LRP4: variants seen among roughly 807,000 people sequenced by gnomAD.
LRP4 encodes LDL receptor related protein 4.
Under a neutral mutation model 220.3 loss-of-function variants are expected in LRP4, and 95 were observed. That is an observed-to-expected ratio of 0.43 (90% confidence interval 0.37 to 0.51). The LOEUF (loss-of-function observed/expected upper bound fraction) is 0.51. Ranked by LOEUF, LRP4 falls within the 20% of genes least tolerant of loss-of-function variation. The probability of loss-of-function intolerance (pLI) is 0.00; values close to 1 mark genes in which losing one functional copy is unlikely to be tolerated. For synonymous variants in LRP4, 903 were observed against 954.6 expected (o/e 0.95, Z 1.00); for missense variants, 1,925 against 2,567.0 (o/e 0.75, Z 5.40).
intron 7 of LRP4, among the ~76,000 whole-genome samples, chr11:46,898,172 C>T (rs1219004082): frequency 1.3e-5 from 2 of 151,786 alleles, no homozygotes; most frequent in Non-Finnish European, 1.5e-5. Flanking sequence ...CCAGTAGGGG[C>T]GGCCAGGCAG....
chr11:46,884,685 C>T (rs1477509911), intron 18 of LRP4, among the ~76,000 whole-genome samples: 2 of 145,922 alleles, frequency 1.4e-5, no homozygotes, highest in Non-Finnish European at 1.5e-5. Context: ...TGCAGTGAGC[C>T]GAGATCGTGC....
chr11:46,896,754 G>A, intron 8 of LRP4, 115 bp downstream of exon 8: 2 of 1,515,712 alleles, frequency 1.3e-6, no homozygotes, highest in Non-Finnish European at 9.1e-7. Context: ...TGATGCACCT[G>A]GATTTTACAC....
At chr11:46,900,178 T>C (rs1467780336) in intron 3 of LRP4, 84 bp downstream of exon 3, 3 of 1,101,152 alleles carry the variant, frequency 2.7e-6, no homozygotes, top group African/African-American at 3.1e-5. Flanking sequence ...AGGGCTCATG[T>C]GGACCTGGGG....
chr11:46,902,438 T>C (rs1198150474), intron 2 of LRP4, among the ~76,000 whole-genome samples: 2 of 151,136 alleles, frequency 1.3e-5, no homozygotes, highest in African/African-American at 4.9e-5. Flanking sequence ...TTGTGTATAG[T>C]ATATAAATTT....
At chr11:46,880,178 A>G (rs1941118551) in intron 20 of LRP4, among the ~76,000 whole-genome samples, 2 of 152,070 alleles carry the variant, frequency 1.3e-5, no homozygotes, top group African/African-American at 4.8e-5. Flanking sequence ...GTTCCAGATT[A>G]GAGAGTAAAG....
chr11:46,877,074 G>T, intron 23 of LRP4, 125 bp downstream of exon 23: 2 of 1,165,276 alleles, frequency 1.7e-6, no homozygotes, highest in Non-Finnish European at 2.6e-6. Flanking sequence ...CAGGGGCTAT[G>T]CCAGAGGGAA....
At chr11:46,897,334 C>CTTTTTTTTTTTTTTTTTT (rs60604776) in intron 7 of LRP4, among the ~76,000 whole-genome samples, 2 of 128,072 alleles carry the variant, frequency 1.6e-5, no homozygotes, top group Non-Finnish European at 1.6e-5. Flanking sequence ...GCCTGTTTGT[C>CTTTTTTTTTTTTTTTTTT]TTTTTTTTTT....
intron 16 of LRP4, 45 bp downstream of exon 16, chr11:46,889,366 C>A (rs957059199): frequency 1.6e-5 from 26 of 1,611,778 alleles, no homozygotes; most frequent in Non-Finnish European, 2.2e-5. Flanking sequence ...TTCTCCCCAT[C>A]CTCACAACAG....
At chr11:46,917,060 G>A (rs1478135614) in intron 1 of LRP4, among the ~76,000 whole-genome samples, 2 of 152,244 alleles carry the variant, frequency 1.3e-5, no homozygotes, top group African/African-American at 2.4e-5. Context: ...AAAACCCACA[G>A]GTAGTTTAAA....
In LRP4 at chr11:46,890,485, G is replaced by A. The variant is rs61748895; in HGVS notation, c.1707C>T (p.Tyr569=). ...GGGGGGTGTTGCCCCAGTCTGTCCA[G>A]TAAATGGTACTAGGAAGAGAAAAGT... The part of the protein sequence containing the change: ...IALHPMEGTI[Y]WTDWGNTPRI... Residue 569 remains tyrosine (Y), a synonymous_variant, in exon 14 of 38, where the codon TAC becomes TAT. Coordinates refer to ENST00000378623, the MANE Select transcript of LRP4 (RefSeq NM_002334.4). The surrounding 1 kb of genome is among the most constrained non-coding windows in gnomAD (Gnocchi z 5.3). 42 of 1,612,996 alleles carry A rather than the reference G, an allele frequency of 2.6e-5. No homozygotes were observed. In the African/African-American group the frequency reaches 4.9e-4, roughly 19 times the overall value.
intron 1 of LRP4, among the ~76,000 whole-genome samples, chr11:46,911,588 C>CA (rs1224666465): frequency 2.8e-4 from 8 of 29,028 alleles, no homozygotes; most frequent in Admixed American, 8.8e-4. Context: ...GAACCTGTCT[C>CA]AAAAAAAAAA....
chr11:46,879,416 CACCT>C (rs1204851409), intron 20 of LRP4, 101 bp from the exon 21 acceptor site: 9 of 1,187,942 alleles, frequency 7.6e-6, no homozygotes, highest in South Asian at 1.3e-5. Flanking sequence ...CTCCCACTAA[CACCT>C]ACTGGGTGAC....
intron 18 of LRP4, among the ~76,000 whole-genome samples, chr11:46,885,499 C>T (rs202007282): frequency 2.0e-5 from 3 of 152,102 alleles, no homozygotes; most frequent in Non-Finnish European, 4.4e-5. Flanking sequence ...TTTGGCTAGG[C>T]GCGGTGGCTC....
chr11:46,886,189 G>A lies in LRP4; in HGVS notation c.2425-17C>T, dbSNP rs1941289045. 3.7e-6 allele frequency: 6 copies of A among 1,611,308 alleles called. No individual in the cohort carries two copies. Among genetic ancestry groups the A allele is most frequent in the Non-Finnish European group, 3.4e-6 (4 of 1,177,520 alleles). On this transcript the variant is annotated splice_polypyrimidine_tract_variant and intron_variant, in intron 17 of 37. Coordinates refer to ENST00000378623, the MANE Select transcript of LRP4 (RefSeq NM_002334.4). ...CACTACCACCTGGGCAGGAAGCAAA[G>A]CTGTATCACCAACTGTACTTCCACT... is the stretch of plus-strand genomic sequence containing the variant.
chr11:46,882,208 C>G (rs1482188647), intron 19 of LRP4, among the ~76,000 whole-genome samples: 1 of 152,076 alleles, frequency 6.6e-6, no homozygotes, highest in African/African-American at 2.4e-5. Flanking sequence ...TTTCCTTGGC[C>G]AGGCGCCATG....
At chr11:46,859,751 C>T (rs1439677504) in intron 37 of LRP4, among the ~76,000 whole-genome samples, 1 of 152,168 alleles carries the variant, frequency 6.6e-6, no homozygotes, top group East Asian at 1.9e-4. Flanking sequence ...AACATGTTAG[C>T]TATGTTACAT....
At position 46,875,797 on chromosome 11, in the gene LRP4, C is replaced by T; in HGVS notation, c.3699+7G>A. ...CTCCTGGGAAGCAGCAGGGACACGG[C>T]TCTCACCTCGGTGTGGGCATCGGCC... On this transcript the variant is annotated splice_region_variant and intron_variant, in intron 26 of 37. Transcript: ENST00000378623. The surrounding 1 kb of genome is among the most constrained non-coding windows in gnomAD (Gnocchi z 4.5). The T allele has an allele frequency of 1.9e-6, 3 of 1,614,132 alleles. No homozygotes were observed. The highest frequency in any genetic ancestry group is 2.5e-6 in the Non-Finnish European group (3 of 1,180,018).
At chr11:46,904,120 G>GGGGAAGGA (rs1429564948) in intron 1 of LRP4, among the ~76,000 whole-genome samples, 1 of 152,190 alleles carries the variant, frequency 6.6e-6, no homozygotes, top group Non-Finnish European at 1.5e-5. Context: ...GCTCGCAGCT[G>GGGGAAGGA]GGGAAGGAGG....
At chr11:46,863,584 CAAAAAAAAAAAA>C (rs55744712) in intron 36 of LRP4, among the ~76,000 whole-genome samples, 3 of 54,148 alleles carry the variant, frequency 5.5e-5, no homozygotes, top group Non-Finnish European at 1.1e-4. Context: ...ACTAAAAATA[CAAAAAAAAAAAA>C]AAAAAAAAAA....
Sources: gnomAD v4.1 joint callset for allele counts (sites outside exome capture counted in the v4.1 genomes callset) on GRCh38, gnomAD v4.1.1 for gene constraint, Gnocchi (gnomAD v3.1) non-coding constraint, MANE v1.5 for transcripts, NCBI Gene and HGNC (gene_info 2026-07-23, HGNC 2026-07-21) for gene names.